CABIN1: variants seen among roughly 807,000 people sequenced by gnomAD.
CABIN1 encodes the protein calcineurin binding protein 1.
A neutral mutation model predicts 227.7 loss-of-function variants in CABIN1; 133 were observed. The observed-to-expected ratio is 0.58, with a 90% confidence interval of 0.51 to 0.67. The LOEUF (loss-of-function observed/expected upper bound fraction) is 0.67, where lower values mean the gene tolerates loss of function less well. Ranked by LOEUF, CABIN1 falls within the 30% of genes least tolerant of loss-of-function variation. The pLI is 0.00. For synonymous variants in CABIN1, 1,086 were observed against 1,155.1 expected (o/e 0.94, Z 1.21); for missense variants, 2,408 against 2,852.5 (o/e 0.84, Z 3.55).
intron 34 of CABIN1, chr22:24,175,789 T>A: frequency 2.1e-6 from 1 of 470,656 alleles, no homozygotes; most frequent in South Asian, 2.1e-5. Flanking sequence ...CCATCCCCTC[T>A]CACTGCCTTG....
At chr22:24,116,769 C>T (rs368398227) in intron 27 of CABIN1, among the ~76,000 whole-genome samples, 1 of 152,290 alleles carries the variant, frequency 6.6e-6, no homozygotes, top group East Asian at 1.9e-4. Flanking sequence ...ACACATCAGT[C>T]CAGAGGCTCA....
At chr22:24,021,638 A>C (rs925239174) in intron 1 of CABIN1, among the ~76,000 whole-genome samples, 1 of 151,946 alleles carries the variant, frequency 6.6e-6, no homozygotes, top group Non-Finnish European at 1.5e-5. Flanking sequence ...TGAAGCCTCT[A>C]ATTTTTAGGG....
intron 1 of CABIN1, among the ~76,000 whole-genome samples, chr22:24,016,544 A>G (rs2035301201): frequency 1.3e-5 from 2 of 152,180 alleles, no homozygotes; most frequent in African/African-American, 4.8e-5. Context: ...CTACTCTCCT[A>G]TCTATGGCCA....
At chr22:24,063,197 G>A (rs1569150454) in intron 14 of CABIN1, 51 bp downstream of exon 14, 3 of 1,592,010 alleles carry the variant, frequency 1.9e-6, no homozygotes, top group South Asian at 1.1e-5. Flanking sequence ...ACCCAGCAGG[G>A]TGGGCAGAAA....
intron 34 of CABIN1, among the ~76,000 whole-genome samples, chr22:24,175,114 C>A (rs932004764): frequency 1.3e-5 from 2 of 152,204 alleles, no homozygotes; most frequent in African/African-American, 4.8e-5. Flanking sequence ...TTTCTATTCC[C>A]ATTCCCAAAA....
At chr22:24,061,266 C>T (rs2039171744) in intron 12 of CABIN1, among the ~76,000 whole-genome samples, 1 of 152,176 alleles carries the variant, frequency 6.6e-6, no homozygotes, top group African/African-American at 2.4e-5. Flanking sequence ...TGCTCTGGCC[C>T]CTTACTCCTG....
chr22:24,172,368 G>C (rs1405669926), intron 34 of CABIN1, among the ~76,000 whole-genome samples: 3 of 152,232 alleles, frequency 2.0e-5, no homozygotes, highest in Admixed American at 2.0e-4. Context: ...GCCCACACCA[G>C]GCCTCCCTCA....
intron 28 of CABIN1, among the ~76,000 whole-genome samples, chr22:24,127,694 G>A (rs2043819766): frequency 6.6e-6 from 1 of 152,152 alleles, no homozygotes; most frequent in African/African-American, 2.4e-5. Flanking sequence ...GGGTGTGAAG[G>A]AAAGAGAAAA....
Sources: allele counts gnomAD v4.1 joint callset (sites outside exome capture counted in the v4.1 genomes callset), GRCh38; gene constraint gnomAD v4.1.1; transcripts MANE v1.5; gene names NCBI Gene and HGNC (gene_info 2026-07-23, HGNC 2026-07-21).